Variants in SNTG2 observed in about 807,000 individuals in gnomAD.
The protein encoded by SNTG2 is syntrophin gamma 2.
A neutral mutation model predicts 70.9 loss-of-function variants in SNTG2; 74 were observed. That is an observed-to-expected ratio of 1.04 (90% confidence interval 0.86 to 1.27). The LOEUF is 1.27. Ranked by LOEUF, SNTG2 falls within the 50% of genes most tolerant of loss-of-function variation. SNTG2 has a pLI of 0.00. For missense variants in SNTG2, 717 were observed against 690.7 expected (o/e 1.04, Z -0.43); for synonymous variants, 278 against 273.8 (o/e 1.02, Z -0.15).
chr2:1,209,965 T>C (rs1673929952), intron 9 of SNTG2, among the ~76,000 whole-genome samples: 1 of 152,016 alleles, frequency 6.6e-6, no homozygotes, highest in Admixed American at 6.6e-5. Context: ...GTGGTCTGTG[T>C]GAATGTGTGT....
intron 16 of SNTG2, among the ~76,000 whole-genome samples, chr2:1,366,434 T>G (rs1357389764): frequency 1.3e-5 from 2 of 152,172 alleles, no homozygotes; most frequent in East Asian, 3.9e-4. Context: ...CACAGGGACT[T>G]TATGTGGGGC....
chr2:1,165,698 T>A, intron 7 of SNTG2, 63 bp downstream of exon 7: 2 of 1,359,248 alleles, frequency 1.5e-6, no homozygotes, highest in Non-Finnish European at 1.0e-6. Flanking sequence ...ACATTATTTA[T>A]CCAAATGCTA....
chr2:1,050,935 CA>C (rs1190322231), intron 1 of SNTG2, among the ~76,000 whole-genome samples: 1 of 152,166 alleles, frequency 6.6e-6, no homozygotes, highest in African/African-American at 2.4e-5. Context: ...CTGTAAATTG[CA>C]TGTTTTTATT....
At chr2:1,149,568 A>G (rs552165807) in intron 6 of SNTG2, among the ~76,000 whole-genome samples, 17 of 152,214 alleles carry the variant, frequency 1.1e-4, no homozygotes, top group East Asian at 1.9e-4. Context: ...GCAAGAATCT[A>G]TGAGCAGCAG....
At chr2:1,309,762 G>A (rs1680889927) in intron 15 of SNTG2, among the ~76,000 whole-genome samples, 1 of 152,216 alleles carries the variant, frequency 6.6e-6, no homozygotes, top group African/African-American at 2.4e-5. Context: ...GCACATATTT[G>A]CATAAGCATT....
intron 8 of SNTG2, among the ~76,000 whole-genome samples, chr2:1,200,391 G>T (rs915425738): frequency 6.6e-6 from 1 of 151,900 alleles, no homozygotes; most frequent in South Asian, 2.1e-4. Context: ...AAGCTTAAAC[G>T]TGAGATCCAA....
intron 14 of SNTG2, among the ~76,000 whole-genome samples, chr2:1,289,028 C>A (rs1235028251): frequency 6.6e-6 from 1 of 152,082 alleles, no homozygotes; most frequent in Non-Finnish European, 1.5e-5. Flanking sequence ...CTCTATTCCA[C>A]GATCATCTTG....
intron 16 of SNTG2, among the ~76,000 whole-genome samples, chr2:1,352,798 A>G (rs996688632): frequency 3.3e-5 from 5 of 152,180 alleles, no homozygotes; most frequent in Non-Finnish European, 7.4e-5. Context: ...CATTTGAAAA[A>G]TGAGGACTGT....
At chr2:1,307,792 G>T (rs1171701687) in intron 14 of SNTG2, among the ~76,000 whole-genome samples, 1 of 152,184 alleles carries the variant, frequency 6.6e-6, no homozygotes, top group African/African-American at 2.4e-5. Context: ...AGGTGTTCAC[G>T]GGCTCCGCAG....
chr2:990,265 G>T (rs1661447930), intron 1 of SNTG2, among the ~76,000 whole-genome samples: 1 of 152,228 alleles, frequency 6.6e-6, no homozygotes, highest in African/African-American at 2.4e-5. Flanking sequence ...GCCTTGCTGT[G>T]TACTTTGCAG....
At chr2:1,244,419 G>A (rs1270007319) in intron 11 of SNTG2, among the ~76,000 whole-genome samples, 2 of 152,076 alleles carry the variant, frequency 1.3e-5, no homozygotes, top group East Asian at 3.9e-4. Context: ...TTTGCAGGCC[G>A]GGCGCGGGGG....
chr2:1,201,522 T>G (rs769136095), intron 8 of SNTG2, among the ~76,000 whole-genome samples: 7 of 151,848 alleles, frequency 4.6e-5, no homozygotes, highest in Non-Finnish European at 7.4e-5. Context: ...CATATTTTCT[T>G]CTAGGTATTT....
At chr2:1,137,301 T>G (rs1174470144) in intron 4 of SNTG2, among the ~76,000 whole-genome samples, 2 of 152,048 alleles carry the variant, frequency 1.3e-5, no homozygotes, top group African/African-American at 4.8e-5. Flanking sequence ...CATCTGCACC[T>G]GCACACACAC....
intron 4 of SNTG2, among the ~76,000 whole-genome samples, chr2:1,112,352 G>T (rs976137705): frequency 6.6e-6 from 1 of 151,654 alleles, no homozygotes; most frequent in African/African-American, 2.4e-5. Flanking sequence ...CCTTTGAGAA[G>T]AATCGTGTGT....
At chr2:1,098,737 A>C (rs1223064210) in intron 4 of SNTG2, among the ~76,000 whole-genome samples, 1 of 152,228 alleles carries the variant, frequency 6.6e-6, no homozygotes, top group Non-Finnish European at 1.5e-5. Context: ...AGAATTACAT[A>C]TAGATGGAGA....
chr2:1,100,689 A>G (rs1480378280), intron 4 of SNTG2, among the ~76,000 whole-genome samples: 1 of 152,172 alleles, frequency 6.6e-6, no homozygotes, highest in East Asian at 1.9e-4. Context: ...GATAGTGGAA[A>G]GAAGGCATGG....
rs1365031523 is a variant in SNTG2, at chr2:1,267,457, C to T, written c.1170C>T (p.Ser390=). 2 of 1,613,568 alleles carry T rather than the reference C, an allele frequency of 1.2e-6. No individual in the cohort carries two copies. The highest frequency in any genetic ancestry group is 4.5e-5 in the East Asian group (2 of 44,868). The change falls in exon 14 of 17, where the codon AGC becomes AGT. Residue 390 remains serine (S), a synonymous_variant. Transcript: ENST00000308624. ...AGGACCAGAGGCCCTATTGCTTCAGCATCGTGGCCGGCCATGGGAAGAGCC... is the reference window on the plus strand; with the variant it reads ...AGGACCAGAGGCCCTATTGCTTCAGTATCGTGGCCGGCCATGGGAAGAGCC... ...DFEDQRPYCF[S]IVAGHGKSHV... is the part of the protein sequence containing the mutation.
At chr2:1,249,080 C>G (rs1317916154) in intron 12 of SNTG2, among the ~76,000 whole-genome samples, 1 of 152,142 alleles carries the variant, frequency 6.6e-6, no homozygotes, top group Non-Finnish European at 1.5e-5. Flanking sequence ...CCTGGAATTG[C>G]TAACGTGCGT....
In SNTG2 at chr2:1,297,952, G is replaced by T. The variant is rs571520585; in HGVS notation, c.1285-10542G>T. ...GCGCGTGTTGGTCTGTATGAATCTAGAAATGTGTGGAGCTGAGGCCCATTG... is the reference window on the plus strand; with the variant it reads ...GCGCGTGTTGGTCTGTATGAATCTATAAATGTGTGGAGCTGAGGCCCATTG... On this transcript the variant is annotated intron_variant, in intron 14 of 16. Transcript: ENST00000308624. Among the ~76,000 whole-genome samples, 84 of 152,270 alleles carry T rather than the reference G, an allele frequency of 5.5e-4. 1 individual carries two copies. The highest frequency in any genetic ancestry group is 2.0e-3 in the African/African-American group (83 of 41,550).
Sources: gnomAD v4.1 joint callset for allele counts (sites outside exome capture counted in the v4.1 genomes callset) on GRCh38, gnomAD v4.1.1 for gene constraint, MANE v1.5 for transcripts, NCBI Gene and HGNC (gene_info 2026-07-23, HGNC 2026-07-21) for gene names.